The following DACH1 variants were observed in gnomAD, a reference collection of about 807,000 sequenced individuals.
DACH1 encodes dachshund family transcription factor 1.
In DACH1, 12 loss-of-function variants were observed where a neutral mutation model predicts 54.2. The ratio of observed to expected loss-of-function variants is 0.22; its 90% CI spans 0.14 to 0.36. The LOEUF is 0.36. Ranked by LOEUF, DACH1 falls within the 10% of genes least tolerant of loss-of-function variation. The pLI is 1.00. For missense variants in DACH1, 805 were observed against 929.8 expected (o/e 0.87, Z 1.75); for synonymous variants, 386 against 366.2 (o/e 1.05, Z -0.62).
At chr13:71,720,474 C>T (rs1373766127) in intron 1 of DACH1, among the ~76,000 whole-genome samples, 1 of 152,138 alleles carries the variant, frequency 6.6e-6, no homozygotes, top group African/African-American at 2.4e-5. Context: ...GTTCAAGGCT[C>T]AGCTCATAAT....
intron 1 of DACH1, among the ~76,000 whole-genome samples, chr13:71,833,313 T>C (rs1258499278): frequency 6.6e-6 from 1 of 152,000 alleles, no homozygotes; most frequent in Non-Finnish European, 1.5e-5. Flanking sequence ...CATGAAAGTC[T>C]CATAGTTTCA....
At chr13:71,700,777 A>G (rs755040574) in intron 1 of DACH1, among the ~76,000 whole-genome samples, 4 of 152,162 alleles carry the variant, frequency 2.6e-5, no homozygotes, top group Non-Finnish European at 4.4e-5. Flanking sequence ...GTTAGGGTAT[A>G]CAATAAAATC....
chr13:71,491,989 A>G (rs1879019607), intron 6 of DACH1, among the ~76,000 whole-genome samples: 1 of 152,196 alleles, frequency 6.6e-6, no homozygotes, highest in Non-Finnish European at 1.5e-5. Context: ...TCATTGATAT[A>G]TCTGTACATA....
intron 1 of DACH1, among the ~76,000 whole-genome samples, chr13:71,791,583 C>A (rs1566502712): frequency 6.6e-6 from 1 of 152,110 alleles, no homozygotes; most frequent in Non-Finnish European, 1.5e-5. Flanking sequence ...GGGGTTTCAC[C>A]ATGTTGGCCA....
intron 1 of DACH1, among the ~76,000 whole-genome samples, chr13:71,769,212 A>T (rs1016040281): frequency 2.6e-5 from 4 of 151,784 alleles, no homozygotes; most frequent in Admixed American, 6.6e-5. Context: ...TATGTACCAC[A>T]TACTCTTCAT....
At chr13:71,459,672 TTTTATA>T (rs1437428549) in intron 10 of DACH1, among the ~76,000 whole-genome samples, 1 of 151,898 alleles carries the variant, frequency 6.6e-6, no homozygotes, top group Non-Finnish European at 1.5e-5. Flanking sequence ...GAATCTAGTA[TTTTATA>T]TTTATATTTT....
chr13:71,840,255 T>C (rs1888964830), intron 1 of DACH1, among the ~76,000 whole-genome samples: 1 of 152,158 alleles, frequency 6.6e-6, no homozygotes, highest in African/African-American at 2.4e-5. Context: ...GTCTACAGCC[T>C]TAATTATTTA....
intron 1 of DACH1, among the ~76,000 whole-genome samples, chr13:71,725,139 A>C (rs1343274499): frequency 6.6e-6 from 1 of 152,176 alleles, no homozygotes; most frequent in Non-Finnish European, 1.5e-5. Flanking sequence ...TACAACAAAA[A>C]AGACTTGAAA....
chr13:71,721,220 T>A, intron 1 of DACH1, among the ~76,000 whole-genome samples: 1 of 152,158 alleles, frequency 6.6e-6, no homozygotes, highest in African/African-American at 2.4e-5. Flanking sequence ...ATTTTTTCAT[T>A]GTTTTCTCCC....
chr13:71,602,663 C>T (rs1055028612), intron 3 of DACH1, among the ~76,000 whole-genome samples: 7 of 151,974 alleles, frequency 4.6e-5, no homozygotes, highest in Admixed American at 3.3e-4. Flanking sequence ...TGAGCAGAGT[C>T]GTCAAAAACA....
chr13:71,645,026 G>T (rs369336682), intron 2 of DACH1, among the ~76,000 whole-genome samples: 1 of 152,088 alleles, frequency 6.6e-6, no homozygotes, highest in African/African-American at 2.4e-5. Flanking sequence ...ATACAAACAC[G>T]GTGTTTCGAA....
At chr13:71,475,045 GC>G (rs1201314332) in intron 10 of DACH1, 95 bp downstream of exon 10, 1 of 1,072,928 alleles carries the variant, frequency 9.3e-7, no homozygotes, top group East Asian at 2.4e-5. Flanking sequence ...TTTTGATGTG[GC>G]CCAGATGGTA....
rs776011580 is a variant in DACH1 at position 71,748,008 on chromosome 13, C to A, written c.849-66098G>T. 5.3e-5 allele frequency among the ~76,000 whole-genome samples: 8 copies of A among 152,026 alleles called. No homozygotes were observed. The South Asian group carries it at 6.2e-4, about 12-fold the overall frequency. On this transcript the variant is annotated intron_variant, in intron 1 of 10. Transcript: ENST00000613252. ...AAAAGCAAAAAGCAATATGGAGAGACCTTTGGGGGACAGCATGTTGACTTC... is the reference window on the plus strand; with the variant it reads ...AAAAGCAAAAAGCAATATGGAGAGAACTTTGGGGGACAGCATGTTGACTTC...
At chr13:71,751,495 G>A (rs1333816487) in intron 1 of DACH1, among the ~76,000 whole-genome samples, 2 of 152,114 alleles carry the variant, frequency 1.3e-5, no homozygotes, top group Non-Finnish European at 2.9e-5. Flanking sequence ...AATAATTGAA[G>A]ATATTGTTGA....
chr13:71,583,795 G>A (rs895425130), intron 3 of DACH1, among the ~76,000 whole-genome samples: 6 of 152,054 alleles, frequency 3.9e-5, no homozygotes, highest in South Asian at 2.1e-4. Flanking sequence ...TGACCATGCC[G>A]CTGCATTCCA....
intron 3 of DACH1, among the ~76,000 whole-genome samples, chr13:71,592,326 AC>A (rs1330982503): frequency 6.6e-6 from 1 of 151,774 alleles, no homozygotes; most frequent in Admixed American, 6.6e-5. Context: ...AGGCTGGGCA[AC>A]AAAAAATAAT....
intron 6 of DACH1, among the ~76,000 whole-genome samples, chr13:71,555,299 T>C (rs1243738776): frequency 6.6e-6 from 1 of 151,906 alleles, no homozygotes; most frequent in East Asian, 1.9e-4. Flanking sequence ...AAAACTTGAG[T>C]CTTCGATGAA....
intron 4 of DACH1, among the ~76,000 whole-genome samples, chr13:71,569,263 A>G (rs1382845482): frequency 2.0e-5 from 3 of 151,960 alleles, no homozygotes; most frequent in East Asian, 1.9e-4. Context: ...TGGGTTTGGG[A>G]TAATCAGAGG....
intron 1 of DACH1, among the ~76,000 whole-genome samples, chr13:71,863,221 G>A (rs990434713): frequency 6.6e-6 from 1 of 151,958 alleles, no homozygotes; most frequent in Non-Finnish European, 1.5e-5. Context: ...TAATAATATA[G>A]GGTAAACAGT....
Sources: gnomAD v4.1 joint callset for allele counts (sites outside exome capture counted in the v4.1 genomes callset) on GRCh38, gnomAD v4.1.1 for gene constraint, MANE v1.5 for transcripts, NCBI Gene and HGNC (gene_info 2026-07-23, HGNC 2026-07-21) for gene names.